Variants in GRIP1 observed in about 807,000 individuals in gnomAD.
The protein encoded by GRIP1 is glutamate receptor-interacting protein 1.
GRIP1 carries 45 observed loss-of-function variants against 129.9 expected under a neutral mutation model. That is an observed-to-expected ratio of 0.35 (90% confidence interval 0.27 to 0.44). The LOEUF (loss-of-function observed/expected upper bound fraction) is 0.44, where lower values mean the gene tolerates loss of function less well. GRIP1 is among the 20% of genes least tolerant of loss of function. The pLI, the probability that GRIP1 is intolerant of heterozygous loss-of-function variation, is 1.00. For missense variants in GRIP1, 1,196 were observed against 1,396.8 expected, an observed-to-expected ratio of 0.86 and a Z score of 2.29; for synonymous variants, 530 against 520.8, an observed-to-expected ratio of 1.02 and a Z score of -0.24.
At chr12:66,421,536 C>T (rs1287292050) in intron 14 of GRIP1, among the ~76,000 whole-genome samples, 1 of 152,126 alleles carries the variant, frequency 6.6e-6, no homozygotes, top group Admixed American at 6.6e-5. Context: ...CAGAGCAAAA[C>T]TCCGTCTTGA....
At chr12:66,664,057 G>T (rs145193656) in intron 1 of GRIP1, among the ~76,000 whole-genome samples, 1 of 151,938 alleles carries the variant, frequency 6.6e-6, no homozygotes, top group Non-Finnish European at 1.5e-5. Context: ...AACTTCTAAG[G>T]GTCTTTAATA....
At chr12:66,961,798 C>T (rs1356187797) in intron 1 of GRIP1, among the ~76,000 whole-genome samples, 2 of 152,178 alleles carry the variant, frequency 1.3e-5, no homozygotes, top group South Asian at 2.1e-4. Flanking sequence ...TTTCTGAATG[C>T]TACCACTACC....
chr12:66,789,110 T>C (rs1206274548), intron 1 of GRIP1, among the ~76,000 whole-genome samples: 2 of 152,192 alleles, frequency 1.3e-5, no homozygotes, highest in Non-Finnish European at 1.5e-5. Context: ...CATAATTCTA[T>C]TAGGTTGACA....
At chr12:66,578,696 G>C (rs1475472051) in intron 2 of GRIP1, among the ~76,000 whole-genome samples, 2 of 152,350 alleles carry the variant, frequency 1.3e-5, no homozygotes, top group East Asian at 3.9e-4. Flanking sequence ...GTGGCAGCGA[G>C]GCTGGGGGAG....
intron 1 of GRIP1, among the ~76,000 whole-genome samples, chr12:66,946,770 G>GGT (rs2041674763): frequency 8.9e-6 from 1 of 112,986 alleles, no homozygotes; most frequent in African/African-American, 3.9e-5. Flanking sequence ...GGGGGTCGGG[G>GGT]GGTGGGGTGG....
intron 1 of GRIP1, among the ~76,000 whole-genome samples, chr12:66,983,982 T>C (rs906529315): frequency 1.8e-4 from 27 of 152,062 alleles, no homozygotes; most frequent in South Asian, 1.0e-3. Flanking sequence ...AAGATGTTGA[T>C]CATAGCAAAG....
At chr12:66,717,790 T>A (rs868679270) in intron 1 of GRIP1, among the ~76,000 whole-genome samples, 2 of 152,240 alleles carry the variant, frequency 1.3e-5, no homozygotes, top group Middle Eastern at 3.4e-3. Context: ...ATTAAATTAG[T>A]GATGTTTAAA....
chr12:66,639,217 A>T (rs1045336042), intron 1 of GRIP1, among the ~76,000 whole-genome samples: 1 of 152,188 alleles, frequency 6.6e-6, no homozygotes, highest in African/African-American at 2.4e-5. Flanking sequence ...TACTAATCAC[A>T]GAGTATGCTA....
rs2035362545 is a variant in GRIP1 at position 66,701,798 on chromosome 12, C to T, written c.-419-71462G>A. ...ATCAATTAAGCTTCCTTGAGTTAACCCTACACTTGCTTAAATGGCGTATTT... is the reference window on the plus strand; with the variant it reads ...ATCAATTAAGCTTCCTTGAGTTAACTCTACACTTGCTTAAATGGCGTATTT... On this transcript the variant is annotated intron_variant, in intron 1 of 4. Transcript: ENST00000538373. Among the ~76,000 whole-genome samples, 3 of 152,144 alleles carry T rather than the reference C, an allele frequency of 2.0e-5. No homozygotes were observed. In the South Asian group the frequency reaches 6.2e-4, roughly 32 times the overall value.
rs567797005 is a variant in GRIP1, at chr12:66,984,401, T to C, written c.58+84649A>G. The stretch of plus-strand genomic sequence containing the variant: ...AAGGTAATCATAATCAGTTGTGGGT[T>C]GATTGCTCTCAACAAATCTTTAGAT... On this transcript the variant is annotated intron_variant, in intron 1 of 1. Transcript: ENST00000643019. Among the ~76,000 whole-genome samples, 14 of 152,324 alleles carry C rather than the reference T, an allele frequency of 9.2e-5. No individual in the cohort carries two copies. The South Asian group carries it at 1.2e-3, about 14-fold the overall frequency.
intron 23 of GRIP1, among the ~76,000 whole-genome samples, chr12:66,369,340 CTTTTTTTTTT>C (rs758593628): frequency 2.6e-4 from 28 of 106,768 alleles, no homozygotes; most frequent in Middle Eastern, 4.9e-3. Flanking sequence ...TTAACAAGAT[CTTTTTTTTTT>C]TTTTTTTTTT....
intron 1 of GRIP1, among the ~76,000 whole-genome samples, chr12:66,707,976 C>G (rs904287266): frequency 6.6e-6 from 1 of 151,940 alleles, no homozygotes; most frequent in African/African-American, 2.4e-5. Flanking sequence ...GTCCATCTTG[C>G]GTGGGAGAGG....
intron 1 of GRIP1, among the ~76,000 whole-genome samples, chr12:66,903,132 G>A (rs764061272): frequency 2.6e-5 from 4 of 151,898 alleles, no homozygotes; most frequent in African/African-American, 9.7e-5. Flanking sequence ...TTTAATGACT[G>A]GGAAATCCTT....
chr12:67,046,372 C>T (rs1370674261), intron 1 of GRIP1, among the ~76,000 whole-genome samples: 2 of 152,156 alleles, frequency 1.3e-5, no homozygotes, highest in African/African-American at 2.4e-5. Context: ...ACCTAATTCA[C>T]GGCGATTCCC....
Position 66,866,663 on chromosome 12 carries a change from A to G in GRIP1, c.58+202387T>C, listed in dbSNP as rs140058572. On this transcript the variant is annotated intron_variant, in intron 1 of 1. Transcript: ENST00000643019. ...AAAGGATAAATGCTTGAAGGTATGG[A>G]TATGTCATTTTCCATGTGATTATTA... Among the ~76,000 whole-genome samples, 263 of 152,290 alleles carry G rather than the reference A, an allele frequency of 1.7e-3. 1 individual carries two copies. Among genetic ancestry groups the G allele is most frequent in the African/African-American group, 5.1e-3 (213 of 41,574 alleles).
intron 15 of GRIP1, among the ~76,000 whole-genome samples, chr12:66,410,995 T>G (rs2057379869): frequency 6.6e-6 from 1 of 152,084 alleles, no homozygotes; most frequent in Admixed American, 6.5e-5. Flanking sequence ...AGAACTCTGA[T>G]CTTCTTGGGA....
chr12:67,005,919 C>T (rs986573860), intron 1 of GRIP1, among the ~76,000 whole-genome samples: 1 of 152,188 alleles, frequency 6.6e-6, no homozygotes, highest in African/African-American at 2.4e-5. Flanking sequence ...AAATAAGACT[C>T]TTTGACCAAG....
intron 4 of GRIP1, among the ~76,000 whole-genome samples, chr12:66,534,706 C>A (rs1182801130): frequency 6.6e-6 from 1 of 151,270 alleles, no homozygotes; most frequent in African/African-American, 2.4e-5. Flanking sequence ...CTCTCTCTCT[C>A]TTTTTGAGAT....
chr12:66,427,159 C>T (rs2058014252), intron 14 of GRIP1, among the ~76,000 whole-genome samples: 1 of 152,196 alleles, frequency 6.6e-6, no homozygotes, highest in African/African-American at 2.4e-5. Context: ...AGAAATTAGG[C>T]TCACTATCAG....
Sources: allele counts gnomAD v4.1 joint callset (sites outside exome capture counted in the v4.1 genomes callset), GRCh38; gene constraint gnomAD v4.1.1; transcripts MANE v1.5; gene names NCBI Gene and HGNC (gene_info 2026-07-23, HGNC 2026-07-21).